Variants in RUFY3 observed in about 807,000 individuals in gnomAD.
The protein encoded by RUFY3 is protein RUFY3.
A neutral mutation model predicts 84.0 loss-of-function variants in RUFY3; 34 were observed. The ratio of observed to expected loss-of-function variants is 0.40; its 90% CI spans 0.31 to 0.54. The LOEUF (loss-of-function observed/expected upper bound fraction) is 0.54, where lower values mean the gene tolerates loss of function less well. RUFY3 is among the 20% of genes least tolerant of loss of function. RUFY3 has a pLI of 0.39. For missense variants in RUFY3, 507 were observed against 736.8 expected (o/e 0.69, Z 3.61); for synonymous variants, 242 against 252.9 (o/e 0.96, Z 0.41).
chr4:70,761,137 C>T (rs1368653721), intron 1 of RUFY3, among the ~76,000 whole-genome samples: 1 of 152,124 alleles, frequency 6.6e-6, no homozygotes, highest in African/African-American at 2.4e-5. Flanking sequence ...TCTAGGCCTT[C>T]TTTAGTTTTC....
chr4:70,740,233 A>T (rs565431332), intron 1 of RUFY3, among the ~76,000 whole-genome samples: 12 of 152,174 alleles, frequency 7.9e-5, no homozygotes, highest in African/African-American at 2.9e-4. Flanking sequence ...CATGGAAAAG[A>T]CAGACCTTTT....
rs59880902 is a variant in RUFY3 at position 70,722,414 on chromosome 4, CTTT to C, written c.-148_-146del. The C allele has an allele frequency of 5.6e-4, 689 of 1,224,356 alleles. No individual in the cohort carries two copies. Among genetic ancestry groups the C allele is most frequent in the Admixed American group, 2.0e-3 (60 of 29,542 alleles). 75.8% of individuals were successfully genotyped at this position (1,224,356 alleles called of 1,614,324 possible). A position where few individuals can be genotyped will look rare whatever the true frequency, so the allele number is the denominator to read the frequency against. Reference sequence around the variant, plus strand: ...GTTCTTAACCTATAAGGTATTTTTCCTTTTTTTTTTTTTTAAACCTCCCCCACC... The same window carrying C: ...GTTCTTAACCTATAAGGTATTTTTCCTTTTTTTTTTTAAACCTCCCCCACC... On this transcript the variant is annotated 5_prime_UTR_variant, in exon 1 of 18. Transcript: ENST00000381006.
chr4:70,712,821 A>T (rs1741132719), intron 1 of RUFY3, among the ~76,000 whole-genome samples: 1 of 152,212 alleles, frequency 6.6e-6, no homozygotes, highest in Non-Finnish European at 1.5e-5. Context: ...CAACATAAAT[A>T]AAAGTAGAAT....
At chr4:70,756,758 C>A (rs1008985004) in intron 1 of RUFY3, among the ~76,000 whole-genome samples, 1 of 152,176 alleles carries the variant, frequency 6.6e-6, no homozygotes, top group Admixed American at 6.5e-5. Context: ...GCATATTCCC[C>A]TGGTATCCTG....
chr4:70,738,880 C>T (rs1318663754), intron 1 of RUFY3, among the ~76,000 whole-genome samples: 2 of 151,840 alleles, frequency 1.3e-5, no homozygotes, highest in Non-Finnish European at 2.9e-5. Context: ...TCAAGAGATC[C>T]TCCTGTTTCA....
chr4:70,716,102 A>C (rs1226206097), intron 1 of RUFY3, among the ~76,000 whole-genome samples: 1 of 151,860 alleles, frequency 6.6e-6, no homozygotes, highest in Non-Finnish European at 1.5e-5. Context: ...TGACAGAGTG[A>C]GACTCCATCT....
At chr4:70,757,251 T>G (rs920298493) in intron 1 of RUFY3, among the ~76,000 whole-genome samples, 1 of 152,204 alleles carries the variant, frequency 6.6e-6, no homozygotes, top group African/African-American at 2.4e-5. Flanking sequence ...CACTCCAGCC[T>G]GGGTGATAGA....
At chr4:70,735,533 A>C (rs548767406) in intron 1 of RUFY3, among the ~76,000 whole-genome samples, 30 of 151,998 alleles carry the variant, frequency 2.0e-4, no homozygotes, top group Non-Finnish European at 4.3e-4. Flanking sequence ...CAGTGTGTTG[A>C]AAATAGTGTT....
At chr4:70,705,275 C>G (rs1373546691) in exon 1 of RUFY3, 1 of 1,429,720 alleles carries the variant, frequency 7.0e-7, no homozygotes, top group South Asian at 1.4e-5. Flanking sequence ...GCGGCGGCAG[C>G]AGCGGCAGCG....
At chr4:70,733,137 G>GGGGAGAGAGAGA (rs1220515845) in intron 1 of RUFY3, among the ~76,000 whole-genome samples, 2 of 86,690 alleles carry the variant, frequency 2.3e-5, no homozygotes, top group Non-Finnish European at 4.4e-5. Context: ...AGGGAGGGAG[G>GGGGAGAGAGAGA]GAGAGAGAGA....
In RUFY3 at chr4:70,806,810, G is replaced by A. The variant is rs1277749764; in HGVS notation, c.*151G>A. The A allele has an allele frequency of 2.2e-6, 2 of 923,948 alleles. No homozygotes were observed. Among genetic ancestry groups the A allele is most frequent in the African/African-American group, 1.7e-5 (1 of 60,396 alleles). 57.2% of individuals were successfully genotyped at this position (923,948 alleles called of 1,614,324 possible). On this transcript the variant is annotated 3_prime_UTR_variant, in exon 18 of 18. Coordinates refer to ENST00000381006, the MANE Select transcript of RUFY3 (RefSeq NM_001037442.4). ...TCCAGGGAGAAAAGGCAGTGGTTGG[G>A]GTTACTGGAAATTTTGCTCATTTTC... is the stretch of plus-strand genomic sequence containing the variant.
chr4:70,798,876 C>T lies in RUFY3; in HGVS notation c.1558-1265C>T, dbSNP rs566823591. On this transcript the variant is annotated intron_variant, in intron 14 of 17. Transcript: ENST00000381006. The stretch of plus-strand genomic sequence containing the variant: ...GGTAGAAATGCAGTTTGAGGCTGGG[C>T]GTGGTGGCTTACGCCTGTAATCCCA... Among the ~76,000 whole-genome samples, 10 of 152,152 alleles carry T rather than the reference C, an allele frequency of 6.6e-5. No homozygotes were observed. The East Asian group carries it at 1.7e-3, about 27-fold the overall frequency.
intron 1 of RUFY3, among the ~76,000 whole-genome samples, chr4:70,759,386 G>C (rs965359746): frequency 2.4e-4 from 36 of 151,688 alleles, no homozygotes; most frequent in African/African-American, 8.7e-4. Context: ...GTGTGTGTGT[G>C]TGTGTGTGTG....
rs1740565675 is a variant in RUFY3 at position 70,708,212 on chromosome 4, C to T, written c.358+2918C>T. ...GTTTTTGAGACAGTCTCACTCTGTG[C>T]TCAGGCTAGAGTGCAGCAGTACAAT... On this transcript the variant is annotated intron_variant, in intron 1 of 11. Transcript: ENST00000417478. Among the ~76,000 whole-genome samples, 3 of 152,200 alleles carry T rather than the reference C, an allele frequency of 2.0e-5. No homozygotes were observed. In the South Asian group the frequency reaches 6.2e-4, roughly 31 times the overall value.
intron 1 of RUFY3, among the ~76,000 whole-genome samples, chr4:70,754,049 ATT>A (rs763659188): frequency 7.0e-6 from 1 of 143,058 alleles, no homozygotes; most frequent in African/African-American, 2.6e-5. Context: ...TTTATGGTTA[ATT>A]TTTTTTTTTT....
chr4:70,744,685 G>A (rs867293898), intron 1 of RUFY3, among the ~76,000 whole-genome samples: 8 of 127,994 alleles, frequency 6.3e-5, no homozygotes, highest in Non-Finnish European at 1.0e-4. Flanking sequence ...ATGGAGTTTC[G>A]CTCTTGTTGC....
At chr4:70,789,773 T>C in intron 12 of RUFY3, 181 bp downstream of exon 12, 1 of 1,252,704 alleles carries the variant, frequency 8.0e-7, no homozygotes, top group South Asian at 2.1e-5. Context: ...TGAAATGTTT[T>C]TAGGAAATGT....
At chr4:70,768,762 T>G in intron 5 of RUFY3, 101 bp downstream of exon 5, 1 of 1,096,276 alleles carries the variant, frequency 9.1e-7, no homozygotes, top group Non-Finnish European at 1.3e-6. Flanking sequence ...CCATATTCTA[T>G]GAGTCATAAA....
chr4:70,704,731 G>C (rs1032276208), upstream of RUFY3: 1 of 334,576 alleles, frequency 3.0e-6, no homozygotes. Context: ...GGGCGGGGCG[G>C]TCCCTCCAGC....
Sources: allele counts gnomAD v4.1 joint callset (sites outside exome capture counted in the v4.1 genomes callset), GRCh38; gene constraint gnomAD v4.1.1; transcripts MANE v1.5; gene names NCBI Gene and HGNC (gene_info 2026-07-23, HGNC 2026-07-21).